Variants in ADGRF3 observed in about 807,000 individuals in gnomAD.
The protein encoded by ADGRF3 is adhesion G protein-coupled receptor F3, also known as G protein-coupled receptor 113.
In ADGRF3, 85 loss-of-function variants were observed where a neutral mutation model predicts 93.2. That is an observed-to-expected ratio of 0.91 (90% CI 0.77 to 1.09). ADGRF3 has a LOEUF of 1.09. Ranked by LOEUF, ADGRF3 falls within the 50% of genes least tolerant of loss-of-function variation. The pLI is 0.00. For synonymous variants in ADGRF3, 534 were observed against 532.5 expected (o/e 1.00, Z -0.04); for missense variants, 1,125 against 1,246.2 (o/e 0.90, Z 1.46).
intron 1 of ADGRF3, among the ~76,000 whole-genome samples, chr2:26,324,169 G>A (rs531522355): frequency 1.5e-4 from 23 of 152,186 alleles, no homozygotes; most frequent in East Asian, 1.2e-3. Flanking sequence ...GACGATCACC[G>A]GAGCCCAGGA....
At chr2:26,315,493 A>G (rs1455298690) in intron 5 of ADGRF3, 29 bp downstream of exon 5, 5 of 1,537,278 alleles carry the variant, frequency 3.3e-6, no homozygotes, top group Admixed American at 2.0e-5. Flanking sequence ...GGAAGGAGAA[A>G]GGAGGCAAGG....
At chr2:26,339,535 C>A (rs1676253762) in intron 1 of ADGRF3, among the ~76,000 whole-genome samples, 1 of 152,002 alleles carries the variant, frequency 6.6e-6, no homozygotes, top group African/African-American at 2.4e-5. Flanking sequence ...ACAACACACC[C>A]CCAAAACTGC....
Position 26,308,905 on chromosome 2 carries a change from A to T in ADGRF3, c.*181T>A. ...TCCTGCTATTCTTGCTGGATACTTT[A>T]GAAATGAGAAGGGGTGAGCTGTAAG... On this transcript the variant is annotated 3_prime_UTR_variant, in exon 14 of 14. Coordinates refer to ENST00000651242, the MANE Select transcript of ADGRF3 (RefSeq NM_001321971.2). The T allele has an allele frequency of 1.4e-6, 1 of 729,242 alleles. No homozygotes were observed. Among genetic ancestry groups the T allele is most frequent in the Non-Finnish European group, 2.2e-6 (1 of 448,058 alleles). The allele number at this position is 729,242 out of a possible 1,614,324, so 45.2% of individuals were successfully genotyped here. A position where few individuals can be genotyped will look rare whatever the true frequency, so the allele number is the denominator to read the frequency against.
chr2:26,324,409 CAT>C (rs1186787640), intron 1 of ADGRF3, among the ~76,000 whole-genome samples: 1 of 152,090 alleles, frequency 6.6e-6, no homozygotes, highest in Non-Finnish European at 1.5e-5. Context: ...AAACTTGAGT[CAT>C]GGAGGTTTGT....
chr2:26,328,456 T>TA (rs1453866202), intron 1 of ADGRF3, among the ~76,000 whole-genome samples: 1 of 130,664 alleles, frequency 7.7e-6, no homozygotes, highest in Non-Finnish European at 1.7e-5. Context: ...CCTTTTTAGT[T>TA]TTTTTTTTTT....
At chr2:26,310,323 C>T in intron 10 of ADGRF3, 86 bp from the exon 11 acceptor site, 1 of 1,429,874 alleles carries the variant, frequency 7.0e-7, no homozygotes, top group South Asian at 1.2e-5. Context: ...GTGTAATTCA[C>T]ATCCTAAGGC....
At position 26,311,749 on chromosome 2, in the gene ADGRF3, C is replaced by T. The variant is rs201936475; in HGVS notation, c.1775G>A (p.Arg592Gln). 180 of 1,613,442 alleles carry T rather than the reference C, an allele frequency of 1.1e-4. 1 individual carries two copies. The Admixed American group carries it at 2.7e-3, about 24-fold the overall frequency. The change falls in exon 10 of 14, where the codon CGA (arginine) becomes CAA (glutamine). Residue 592 changes from arginine to glutamine, a missense_variant. By Grantham distance (43) the Arg-to-Gln change is conservative. Coordinates refer to ENST00000651242, the MANE Select transcript of ADGRF3 (RefSeq NM_001321971.2). ...TEISITSLVL[R>Q]KLDHLLPSNY... Reference sequence around the variant, plus strand: ...TGAGGGCAGAAGGTGGTCCAGTTTTCGCAGCACCAGGCTAGTAATACTTAT... The same window carrying T: ...TGAGGGCAGAAGGTGGTCCAGTTTTTGCAGCACCAGGCTAGTAATACTTAT...
rs775675337 is a variant in ADGRF3 at position 26,311,165 on chromosome 2, T to A, written c.2359A>T (p.Thr787Ser). ...AFLCHFLYLA[T>S]FFWMLAQALV... ...GCCTGCGCCAGCATCCAGAAAAAGG[T>A]GGCCAGGTAGAGGAAATGACAGAGG... The change falls in exon 10 of 14, where the codon ACC (threonine) becomes TCC (serine). Residue 787 changes from threonine (T) to serine (S), a missense_variant. Coordinates refer to ENST00000651242, the MANE Select transcript of ADGRF3 (RefSeq NM_001321971.2). The A allele has an allele frequency of 7.5e-6, 12 of 1,595,854 alleles. No homozygotes were observed. The highest frequency in any genetic ancestry group is 9.4e-6 in the Non-Finnish European group (11 of 1,171,756).
chr2:26,336,709 G>C (rs1676061693), intron 1 of ADGRF3, among the ~76,000 whole-genome samples: 1 of 103,638 alleles, frequency 9.6e-6, no homozygotes, highest in African/African-American at 3.9e-5. Flanking sequence ...CTTGGTGACA[G>C]AGTGAGACTC....
At chr2:26,317,160 G>A in intron 2 of ADGRF3, 105 bp from the exon 3 acceptor site, 1 of 1,223,318 alleles carries the variant, frequency 8.2e-7, no homozygotes, top group Admixed American at 2.5e-5. Flanking sequence ...ATGCAGAGCA[G>A]ACCCCCTCCC....
intron 1 of ADGRF3, among the ~76,000 whole-genome samples, chr2:26,334,610 T>C (rs944386255): frequency 1.3e-5 from 2 of 152,164 alleles, no homozygotes; most frequent in African/African-American, 4.8e-5. Flanking sequence ...ATAAATCTTA[T>C]ATGGGTAATT....
At chr2:26,344,721 T>C (rs1308723939) in intron 1 of ADGRF3, among the ~76,000 whole-genome samples, 2 of 152,160 alleles carry the variant, frequency 1.3e-5, no homozygotes, top group South Asian at 4.1e-4. Context: ...TAGTTCTAGC[T>C]ACTTGGGAGA....
At chr2:26,336,817 C>A (rs1277044199) in intron 1 of ADGRF3, among the ~76,000 whole-genome samples, 1 of 150,306 alleles carries the variant, frequency 6.7e-6, no homozygotes, top group Non-Finnish European at 1.5e-5. Flanking sequence ...TGGAAGACAA[C>A]CCCAGTAAGT....
At chr2:26,339,159 A>C (rs1363773959) in intron 1 of ADGRF3, among the ~76,000 whole-genome samples, 1 of 151,422 alleles carries the variant, frequency 6.6e-6, no homozygotes, top group African/African-American at 2.4e-5. Context: ...AAAAGAAAGA[A>C]AATGAAGTTG....
Position 26,309,045 on chromosome 2 carries a change from C to G in ADGRF3, c.*41G>C. 6.2e-7 allele frequency: 1 copy of G among 1,613,962 alleles called. No individual in the cohort carries two copies. The highest frequency in any genetic ancestry group is 1.1e-5 in the South Asian group (1 of 91,082). ...GGCTCATCTGGTGGGTTCAAGCACACAGCCTCAACTCCCTTGCAGGAACAT... is the reference window on the plus strand; with the variant it reads ...GGCTCATCTGGTGGGTTCAAGCACAGAGCCTCAACTCCCTTGCAGGAACAT... On this transcript the variant is annotated 3_prime_UTR_variant, in exon 14 of 14. Transcript: ENST00000651242.
chr2:26,316,504 C>CA lies in ADGRF3; in HGVS notation c.326-57dup. The CA allele has an allele frequency of 2.0e-6, 3 of 1,510,004 alleles. No individual in the cohort carries two copies. In the South Asian group the frequency reaches 3.8e-5, roughly 19 times the overall value. The allele number at this position is 1,510,004 out of a possible 1,614,324, so 93.5% of individuals were successfully genotyped here. On this transcript the variant is annotated intron_variant, in intron 3 of 13. Coordinates refer to ENST00000651242, the MANE Select transcript of ADGRF3 (RefSeq NM_001321971.2). ...AGGCTGTCTGAAGAAGCTAGGTGGG[C>CA]AGGGCAGACACCTGCCTGATGCCTG... is the stretch of plus-strand genomic sequence containing the variant.
At chr2:26,324,791 C>T (rs187734676) in intron 1 of ADGRF3, among the ~76,000 whole-genome samples, 80 of 152,336 alleles carry the variant, frequency 5.3e-4, no homozygotes, top group African/African-American at 1.8e-3. Context: ...CATCCACATG[C>T]ATATGTCTTT....
At chr2:26,310,590 T>C in intron 10 of ADGRF3, 102 bp downstream of exon 10, 1 of 1,259,994 alleles carries the variant, frequency 7.9e-7, no homozygotes, top group Non-Finnish European at 1.1e-6. Context: ...TTCCTGAACC[T>C]ATGTTTCTTC....
Position 26,312,332 on chromosome 2 carries a change from C to T in ADGRF3, c.1450-258G>A, listed in dbSNP as rs375856221. Reference sequence around the variant, plus strand: ...TGCACCCAGCCCCTCTGCTGAAAACCCTTCTTCCCCCTCCATCCCTAGGGG... The same window carrying T: ...TGCACCCAGCCCCTCTGCTGAAAACTCTTCTTCCCCCTCCATCCCTAGGGG... On this transcript the variant is annotated intron_variant, in intron 9 of 13. Transcript: ENST00000651242. Among the ~76,000 whole-genome samples the T allele has an allele frequency of 3.7e-4, 57 of 152,308 alleles. No individual in the cohort carries two copies. The South Asian group carries it at 8.1e-3, about 22-fold the overall frequency.
Sources: gnomAD v4.1 joint callset for allele counts (sites outside exome capture counted in the v4.1 genomes callset) on GRCh38, gnomAD v4.1.1 for gene constraint, MANE v1.5 for transcripts, NCBI Gene and HGNC (gene_info 2026-07-23, HGNC 2026-07-21) for gene names.